Variants in JARID2 observed in about 807,000 individuals in gnomAD.
JARID2 encodes protein Jumonji.
A neutral mutation model predicts 125.6 loss-of-function variants in JARID2; 21 were observed. That is an observed-to-expected ratio of 0.17 (90% CI 0.12 to 0.24). The LOEUF (loss-of-function observed/expected upper bound fraction) is 0.24. Among genes scored for constraint, JARID2 ranks in the 10% least tolerant of loss-of-function variants. The pLI is 1.00. For synonymous variants in JARID2, 736 were observed against 661.6 expected (o/e 1.11, Z -1.73); for missense variants, 1,303 against 1,639.6 (o/e 0.79, Z 3.55).
At chr6:15,514,048 GCT>G (rs1771424020) in intron 16 of JARID2, among the ~76,000 whole-genome samples, 1 of 152,230 alleles carries the variant, frequency 6.6e-6, no homozygotes, top group African/African-American at 2.4e-5. Context: ...TGCCCTGCTG[GCT>G]TCCTCGTGCC....
At chr6:15,391,145 G>GC (rs60993071) in intron 2 of JARID2, among the ~76,000 whole-genome samples, 56,628 of 151,802 alleles carry the variant, frequency 0.37, 10,750 homozygotes, top group Admixed American at 0.45. Context: ...AAGTTGGTTT[G>GC]CCCCCTTCTA....
At chr6:15,391,391 GT>G (rs1473509607) in intron 2 of JARID2, among the ~76,000 whole-genome samples, 2 of 152,168 alleles carry the variant, frequency 1.3e-5, no homozygotes, top group South Asian at 4.1e-4. Context: ...CTAGCAGAGA[GT>G]TTCAGAGCCA....
At position 15,496,618 on chromosome 6, in the gene JARID2, G is replaced by A; in HGVS notation, c.1393G>A (p.Gly465Ser). 2 of 1,607,582 alleles carry A rather than the reference G, an allele frequency of 1.2e-6. No individual in the cohort carries two copies. Among genetic ancestry groups the A allele is most frequent in the Non-Finnish European group, 1.7e-6 (2 of 1,178,082 alleles). ...CCCCAAGAAGATGAAAGGGGCGGCT[G>A]GCCCCGCCGAAGGCCCTGGCAAGAA... ...SPPKKMKGAA[G>S]PAEGPGKKAP... Residue 465 changes from glycine (G) to serine (S), a missense_variant, in exon 7 of 18, where the codon GGC becomes AGC. Transcript: ENST00000341776.
chr6:15,343,183 C>A (rs374820473), intron 1 of JARID2, among the ~76,000 whole-genome samples: 1 of 132,636 alleles, frequency 7.5e-6, no homozygotes, highest in African/African-American at 2.9e-5. Flanking sequence ...GAGCCGAGAT[C>A]GTGCCATTGC....
At chr6:15,448,765 G>A (rs879842425) in intron 3 of JARID2, among the ~76,000 whole-genome samples, 1 of 152,066 alleles carries the variant, frequency 6.6e-6, no homozygotes, top group African/African-American at 2.4e-5. Context: ...CAAGGGTTCT[G>A]TAGCCTTCCC....
intron 1 of JARID2, among the ~76,000 whole-genome samples, chr6:15,285,091 T>C (rs1211369848): frequency 1.3e-5 from 2 of 150,328 alleles, no homozygotes. Flanking sequence ...TTTGCATTAA[T>C]GTGAGTCTTT....
At chr6:15,514,461 T>G (rs889697103) in intron 16 of JARID2, among the ~76,000 whole-genome samples, 1 of 152,224 alleles carries the variant, frequency 6.6e-6, no homozygotes, top group Non-Finnish European at 1.5e-5. Flanking sequence ...GCACACTCGC[T>G]GAGAGGCCAG....
chr6:15,278,515 G>A (rs1760624391), intron 1 of JARID2, among the ~76,000 whole-genome samples: 1 of 152,104 alleles, frequency 6.6e-6, no homozygotes, highest in African/African-American at 2.4e-5. Context: ...GAACCCGGGA[G>A]GCGGAGCTTG....
chr6:15,287,081 G>A (rs545728027), intron 1 of JARID2, among the ~76,000 whole-genome samples: 2 of 151,748 alleles, frequency 1.3e-5, no homozygotes, highest in African/African-American at 2.4e-5. Flanking sequence ...AGCCCAGATG[G>A]CGTCATTGAA....
At chr6:15,336,960 C>G (rs1376539068) in intron 1 of JARID2, among the ~76,000 whole-genome samples, 3 of 152,104 alleles carry the variant, frequency 2.0e-5, no homozygotes, top group African/African-American at 7.2e-5. Flanking sequence ...GAGTGTAGTT[C>G]AGTAAGTCAC....
At chr6:15,264,762 C>G (rs1760020027) in intron 1 of JARID2, among the ~76,000 whole-genome samples, 1 of 152,208 alleles carries the variant, frequency 6.6e-6, no homozygotes, top group South Asian at 2.1e-4. Flanking sequence ...GTACCTATAA[C>G]CTATACACAT....
chr6:15,307,689 T>C (rs1302725824), intron 1 of JARID2, among the ~76,000 whole-genome samples: 2 of 152,196 alleles, frequency 1.3e-5, no homozygotes, highest in Admixed American at 6.5e-5. Context: ...CTTTGTAGTC[T>C]GTGGGGAGAA....
chr6:15,477,863 CGAG>C (rs1581620497), intron 5 of JARID2, among the ~76,000 whole-genome samples: 2 of 152,244 alleles, frequency 1.3e-5, no homozygotes, highest in East Asian at 3.9e-4. Flanking sequence ...TAGGAAAACT[CGAG>C]AAAGTTTATG....
intron 1 of JARID2, among the ~76,000 whole-genome samples, chr6:15,275,139 G>GCCC (rs1561762167): frequency 3.9e-5 from 6 of 152,168 alleles, no homozygotes; most frequent in Non-Finnish European, 7.3e-5. Flanking sequence ...AGGAAGAGCT[G>GCCC]TTTGATCTCT....
At chr6:15,479,731 C>T (rs1329231804) in intron 5 of JARID2, among the ~76,000 whole-genome samples, 1 of 152,304 alleles carries the variant, frequency 6.6e-6, no homozygotes, top group East Asian at 1.9e-4. Context: ...CGTTTGTTCC[C>T]TGTGCGAGTG....
chr6:15,426,191 T>G (rs1188289399), intron 3 of JARID2, among the ~76,000 whole-genome samples: 1 of 152,170 alleles, frequency 6.6e-6, no homozygotes. Context: ...TTCGAGATTG[T>G]GACTCTTAAT....
At chr6:15,401,835 A>G (rs1436208734) in intron 2 of JARID2, among the ~76,000 whole-genome samples, 2 of 150,444 alleles carry the variant, frequency 1.3e-5, no homozygotes, top group Non-Finnish European at 2.9e-5. Flanking sequence ...ATTATATTTC[A>G]GTAGTGGAAA....
chr6:15,415,846 C>G (rs1158539887), intron 3 of JARID2, among the ~76,000 whole-genome samples: 7 of 147,470 alleles, frequency 4.7e-5, no homozygotes, highest in African/African-American at 1.8e-4. Flanking sequence ...CCCTCCCGGA[C>G]GGGGCGGCTG....
At chr6:15,423,796 G>A (rs1365935463) in intron 3 of JARID2, among the ~76,000 whole-genome samples, 2 of 152,162 alleles carry the variant, frequency 1.3e-5, no homozygotes, top group African/African-American at 4.8e-5. Context: ...CCTTGGGGCC[G>A]TGATAGGGAA....
Sources: allele counts gnomAD v4.1 joint callset (sites outside exome capture counted in the v4.1 genomes callset), GRCh38; gene constraint gnomAD v4.1.1; transcripts MANE v1.5; gene names NCBI Gene and HGNC (gene_info 2026-07-23, HGNC 2026-07-21).